PRLR: variants seen among roughly 807,000 people sequenced by gnomAD.
The protein encoded by PRLR is hPRL receptor.
PRLR carries 13 observed loss-of-function variants against 40.2 expected under a neutral mutation model. The ratio of observed to expected loss-of-function variants is 0.32; its 90% CI spans 0.21 to 0.51. The LOEUF is 0.51. PRLR is among the 20% of genes least tolerant of loss of function. PRLR has a pLI of 0.97. For missense variants in PRLR, 656 were observed against 747.3 expected (o/e 0.88, Z 1.42); for synonymous variants, 269 against 278.7 (o/e 0.97, Z 0.35).
At position 35,086,214 on chromosome 5, in the gene PRLR, C is replaced by G; in HGVS notation, c.197G>C (p.Arg66Thr). ...AGAGAAGGGAACTTCTTACCCTTCC[C>G]TGTGGTAAGTCAGTGAATAATTGGT... The part of the protein sequence containing the change: ...LPTNYSLTYH[R>T]EGETLMHECP... Residue 66 changes from arginine to threonine, a missense_variant, in exon 4 of 10, where the codon AGG (arginine) becomes ACG (threonine). By Grantham distance (71) the Arg-to-Thr change is moderately conservative. Coordinates refer to ENST00000618457, the MANE Select transcript of PRLR (RefSeq NM_000949.7). The G allele has an allele frequency of 5.6e-6, 9 of 1,613,886 alleles. No homozygotes were observed. The highest frequency in any genetic ancestry group is 7.6e-6 in the Non-Finnish European group (9 of 1,179,900).
chr5:35,100,005 T>C (rs1771773524), intron 2 of PRLR, among the ~76,000 whole-genome samples: 1 of 151,688 alleles, frequency 6.6e-6, no homozygotes, highest in African/African-American at 2.4e-5. Flanking sequence ...TGAAACCCCG[T>C]CTCTACTAAA....
chr5:35,077,614 A>T (rs186266174), intron 5 of PRLR, among the ~76,000 whole-genome samples: 1 of 152,308 alleles, frequency 6.6e-6, no homozygotes, highest in Admixed American at 6.5e-5. Context: ...GGGAGACTTT[A>T]ACACCCCACT....
chr5:35,147,278 G>T (rs1459877336), intron 1 of PRLR, among the ~76,000 whole-genome samples: 1 of 152,102 alleles, frequency 6.6e-6, no homozygotes. Context: ...TAGTATCATT[G>T]CTTCCAATTG....
intron 1 of PRLR, among the ~76,000 whole-genome samples, chr5:35,184,552 T>C (rs1241881928): frequency 6.6e-6 from 1 of 151,944 alleles, no homozygotes. Flanking sequence ...AAAAACAAAA[T>C]AATAACAACC....
rs1171058176 is a variant in PRLR, at chr5:35,057,109, C to T, written c.*7980G>A. 6.6e-6 allele frequency: 1 copy of T among 152,080 alleles called. No individual in the cohort carries two copies. Among genetic ancestry groups the T allele is most frequent in the African/African-American group, 2.4e-5 (1 of 41,418 alleles). 9.4% of individuals were successfully genotyped at this position (152,080 alleles called of 1,614,324 possible). ...CACTTAAAAAAATGCTTTGGTTCTTCCTTTATTTCACAATATTTAAATAAG... is the reference window on the plus strand; with the variant it reads ...CACTTAAAAAAATGCTTTGGTTCTTTCTTTATTTCACAATATTTAAATAAG... On this transcript the variant is annotated 3_prime_UTR_variant, in exon 10 of 10. Coordinates refer to ENST00000618457, the MANE Select transcript of PRLR (RefSeq NM_000949.7).
intron 2 of PRLR, among the ~76,000 whole-genome samples, chr5:35,098,688 A>G (rs918642803): frequency 6.6e-6 from 1 of 152,230 alleles, no homozygotes; most frequent in African/African-American, 2.4e-5. Context: ...TAATATCTAG[A>G]AACTCAAGCT....
intron 2 of PRLR, among the ~76,000 whole-genome samples, chr5:35,103,881 G>C (rs1404836113): frequency 2.0e-5 from 3 of 152,146 alleles, no homozygotes; most frequent in African/African-American, 7.2e-5. Context: ...TAAGCAGAAG[G>C]CCTGACAAAC....
intron 2 of PRLR, among the ~76,000 whole-genome samples, chr5:35,108,521 A>T (rs1772427406): frequency 6.6e-6 from 1 of 152,258 alleles, no homozygotes; most frequent in African/African-American, 2.4e-5. Context: ...GCAAAGTCTC[A>T]GGATACAAAA....
chr5:35,167,665 G>A lies in PRLR; in HGVS notation c.-105-49543C>T, dbSNP rs191770338. ...TTAATAATATATGTAGAATTAAAAC[G>A]CATACAGTAGTATGGAAGACAGAAA... On this transcript the variant is annotated intron_variant, in intron 1 of 9. Transcript: ENST00000618457. 2.2e-3 allele frequency among the ~76,000 whole-genome samples: 339 copies of A among 152,044 alleles called. 1 individual carries two copies. Among genetic ancestry groups the A allele is most frequent in the African/African-American group, 5.5e-3 (229 of 41,522 alleles).
At chr5:35,101,493 G>A (rs192483159) in intron 2 of PRLR, among the ~76,000 whole-genome samples, 84 of 152,174 alleles carry the variant, frequency 5.5e-4, no homozygotes, top group African/African-American at 1.5e-3. Flanking sequence ...AATAAAAATC[G>A]CAATATCAGA....
At chr5:35,070,084 A>C (rs774570660) in intron 7 of PRLR, 40 bp downstream of exon 7, 56 of 1,580,172 alleles carry the variant, frequency 3.5e-5, no homozygotes, top group Middle Eastern at 1.7e-4. Context: ...CATTTAAAAC[A>C]TATTTAGGGA....
At chr5:35,150,010 G>A (rs973097785) in intron 1 of PRLR, among the ~76,000 whole-genome samples, 1 of 152,112 alleles carries the variant, frequency 6.6e-6, no homozygotes, top group Non-Finnish European at 1.5e-5. Context: ...CAGTGCGCCT[G>A]AGTAGCTGGG....
chr5:35,225,322 C>T (rs1355719420), intron 1 of PRLR, among the ~76,000 whole-genome samples: 3 of 152,118 alleles, frequency 2.0e-5, no homozygotes, highest in East Asian at 1.9e-4. Flanking sequence ...CAAATGATCA[C>T]CTGCTAACCA....
chr5:35,205,157 T>C (rs1036980533), intron 1 of PRLR, among the ~76,000 whole-genome samples: 1 of 151,926 alleles, frequency 6.6e-6, no homozygotes, highest in Non-Finnish European at 1.5e-5. Context: ...ATGTAATATA[T>C]ATATAAAATA....
downstream of PRLR, among the ~76,000 whole-genome samples, chr5:35,054,495 AT>A (rs1400625951): frequency 2.6e-5 from 4 of 152,200 alleles, no homozygotes; most frequent in African/African-American, 9.7e-5. Flanking sequence ...TGAAAATTAA[AT>A]GCTGATAAAT....
chr5:35,069,005 G>A, intron 7 of PRLR, 127 bp from the exon 8 acceptor site: 3 of 613,064 alleles, frequency 4.9e-6, no homozygotes, highest in East Asian at 2.8e-5. Context: ...GATTTGAACA[G>A]CAATCCAAAG....
chr5:35,054,580 A>T (rs10805603), downstream of PRLR, among the ~76,000 whole-genome samples: 116,877 of 152,100 alleles, frequency 0.77, 46,077 homozygotes, highest in Non-Finnish European at 0.84. Context: ...AATTAGATGT[A>T]GATAAATAGG....
At chr5:35,069,561 A>G (rs1031921303) in intron 7 of PRLR, among the ~76,000 whole-genome samples, 2 of 152,216 alleles carry the variant, frequency 1.3e-5, no homozygotes, top group Admixed American at 6.5e-5. Context: ...AATGATAATC[A>G]TATTCTCTGA....
At chr5:35,082,460 A>G (rs538881613) in intron 5 of PRLR, among the ~76,000 whole-genome samples, 35 of 152,164 alleles carry the variant, frequency 2.3e-4, no homozygotes, top group Admixed American at 1.2e-3. Flanking sequence ...GGGATGTCCT[A>G]TGCTTTGTAG....
Sources: gnomAD v4.1 joint callset for allele counts (sites outside exome capture counted in the v4.1 genomes callset) on GRCh38, gnomAD v4.1.1 for gene constraint, MANE v1.5 for transcripts, NCBI Gene and HGNC (gene_info 2026-07-23, HGNC 2026-07-21) for gene names.